Variants in AUTS2 observed in about 807,000 individuals in gnomAD.
The protein encoded by AUTS2 is activator of transcription and developmental regulator AUTS2.
A neutral mutation model predicts 112.4 loss-of-function variants in AUTS2; 17 were observed. That is an observed-to-expected ratio of 0.15 (90% CI 0.10 to 0.23). The LOEUF (loss-of-function observed/expected upper bound fraction) is 0.23, where lower values mean the gene tolerates loss of function less well. Among genes scored for constraint, AUTS2 ranks in the 10% least tolerant of loss-of-function variants. The probability of loss-of-function intolerance (pLI) is 1.00; values close to 1 mark genes in which losing one functional copy is unlikely to be tolerated. For missense variants in AUTS2, 1,510 were observed against 1,701.6 expected (o/e 0.89, Z 1.98); for synonymous variants, 751 against 702.7 (o/e 1.07, Z -1.09).
intron 5 of AUTS2, among the ~76,000 whole-genome samples, chr7:70,587,665 C>G (rs1420280194): frequency 1.3e-5 from 2 of 152,232 alleles, no homozygotes; most frequent in Non-Finnish European, 2.9e-5. Context: ...TTTCTGTCTT[C>G]CATCCTCACA....
chr7:69,622,749 T>C (rs972643121), intron 1 of AUTS2, among the ~76,000 whole-genome samples: 5 of 152,224 alleles, frequency 3.3e-5, no homozygotes, highest in African/African-American at 1.2e-4. Context: ...AGGGAAGATA[T>C]TGTAATTGTG....
intron 1 of AUTS2, among the ~76,000 whole-genome samples, chr7:69,692,054 G>A (rs1797371519): frequency 6.6e-6 from 1 of 152,148 alleles, no homozygotes; most frequent in South Asian, 2.1e-4. Context: ...GAGCTTCAGC[G>A]GGGCCAGTGC....
At chr7:70,558,448 G>T (rs1229729501) in intron 5 of AUTS2, among the ~76,000 whole-genome samples, 1 of 152,170 alleles carries the variant, frequency 6.6e-6, no homozygotes, top group Non-Finnish European at 1.5e-5. Flanking sequence ...GTGGGCACCT[G>T]GGGGCATTCC....
chr7:69,842,636 T>C (rs1368551693), intron 1 of AUTS2, among the ~76,000 whole-genome samples: 2 of 152,220 alleles, frequency 1.3e-5, no homozygotes, highest in African/African-American at 4.8e-5. Context: ...TCAAACTCTC[T>C]AGCCCTAAAC....
At chr7:69,882,004 G>C (rs970200505) in intron 1 of AUTS2, among the ~76,000 whole-genome samples, 2 of 151,562 alleles carry the variant, frequency 1.3e-5, no homozygotes, top group African/African-American at 4.9e-5. Flanking sequence ...TACAAAATTA[G>C]CTGGGAGTGG....
chr7:70,081,845 G>A (rs889119710), intron 2 of AUTS2, among the ~76,000 whole-genome samples: 2 of 152,040 alleles, frequency 1.3e-5, no homozygotes, highest in African/African-American at 4.8e-5. Context: ...TTTTGTTAGT[G>A]GAATGGCAAA....
chr7:70,342,052 T>G (rs1791288347), intron 4 of AUTS2, among the ~76,000 whole-genome samples: 1 of 152,216 alleles, frequency 6.6e-6, no homozygotes. Flanking sequence ...CTGGGACTAC[T>G]GGGCTTGCTT....
At chr7:70,138,755 G>A (rs997810636) in intron 4 of AUTS2, among the ~76,000 whole-genome samples, 3 of 152,096 alleles carry the variant, frequency 2.0e-5, no homozygotes, top group Non-Finnish European at 2.9e-5. Flanking sequence ...ATCTTCAGAC[G>A]GGATTTGTAT....
chr7:70,340,670 T>C (rs1005393499), intron 4 of AUTS2, among the ~76,000 whole-genome samples: 1 of 152,246 alleles, frequency 6.6e-6, no homozygotes, highest in Non-Finnish European at 1.5e-5. Context: ...CAAAGGTACT[T>C]GAACATGTAT....
intron 1 of AUTS2, among the ~76,000 whole-genome samples, chr7:69,827,880 G>A (rs947486037): frequency 1.3e-5 from 2 of 152,298 alleles, no homozygotes; most frequent in African/African-American, 4.8e-5. Context: ...AAGGCCCACA[G>A]CATGGTTTCC....
chr7:70,353,527 A>T (rs1791861278), intron 4 of AUTS2, among the ~76,000 whole-genome samples: 1 of 152,154 alleles, frequency 6.6e-6, no homozygotes, highest in South Asian at 2.1e-4. Flanking sequence ...ACATATGCCA[A>T]GTATCCTACA....
intron 1 of AUTS2, among the ~76,000 whole-genome samples, chr7:69,849,272 TA>T (rs1713569215): frequency 6.6e-6 from 1 of 152,232 alleles, no homozygotes; most frequent in Admixed American, 6.5e-5. Context: ...TATAGGTTTT[TA>T]AAATCTATTA....
chr7:70,128,486 A>T (rs970954761), intron 3 of AUTS2, among the ~76,000 whole-genome samples: 1 of 152,164 alleles, frequency 6.6e-6, no homozygotes, highest in African/African-American at 2.4e-5. Context: ...TGACATTAAA[A>T]CTGAGGCCTA....
chr7:70,481,355 A>G (rs1166956248), intron 5 of AUTS2, among the ~76,000 whole-genome samples: 1 of 152,226 alleles, frequency 6.6e-6, no homozygotes, highest in Non-Finnish European at 1.5e-5. Flanking sequence ...ATGCCACGTC[A>G]TGAGTTTGTG....
intron 2 of AUTS2, among the ~76,000 whole-genome samples, chr7:70,021,494 G>C (rs1344856215): frequency 6.6e-6 from 1 of 152,072 alleles, no homozygotes; most frequent in Non-Finnish European, 1.5e-5. Flanking sequence ...TTCCAGATGG[G>C]GCATCCTGAA....
At chr7:70,383,585 C>T (rs1018520577) in intron 4 of AUTS2, among the ~76,000 whole-genome samples, 2 of 152,182 alleles carry the variant, frequency 1.3e-5, no homozygotes, top group Admixed American at 6.5e-5. Context: ...AGGCATTCTT[C>T]GCAGCACAGA....
rs565806602 is a variant in AUTS2 at position 70,314,900 on chromosome 7, C to A, written c.661-120852C>A. 5.3e-5 allele frequency among the ~76,000 whole-genome samples: 8 copies of A among 152,276 alleles called. No individual in the cohort carries two copies. The East Asian group carries it at 1.4e-3, about 26-fold the overall frequency. The stretch of plus-strand genomic sequence containing the variant: ...CTTGTACCTGCTGTCTTTTTCACCA[C>A]TTCCCTCTCAGCTCATGAACTCTAG... On this transcript the variant is annotated intron_variant, in intron 4 of 18. Coordinates refer to ENST00000342771, the MANE Select transcript of AUTS2 (RefSeq NM_015570.4).
intron 5 of AUTS2, among the ~76,000 whole-genome samples, chr7:70,505,084 T>G (rs1036835032): frequency 2.0e-5 from 3 of 152,212 alleles, no homozygotes; most frequent in Non-Finnish European, 2.9e-5. Flanking sequence ...CTTCACCAGA[T>G]GTGGAGTCTG....
At chr7:70,493,561 A>G (rs1277028472) in intron 5 of AUTS2, among the ~76,000 whole-genome samples, 3 of 152,172 alleles carry the variant, frequency 2.0e-5, no homozygotes, top group Non-Finnish European at 4.4e-5. Flanking sequence ...TCTATAATTC[A>G]TCAAGGAAAA....
Sources: gnomAD v4.1 joint callset for allele counts (sites outside exome capture counted in the v4.1 genomes callset) on GRCh38, gnomAD v4.1.1 for gene constraint, MANE v1.5 for transcripts, NCBI Gene and HGNC (gene_info 2026-07-23, HGNC 2026-07-21) for gene names.